ATRNL1: variants seen among roughly 807,000 people sequenced by gnomAD.
The protein encoded by ATRNL1 is attractin-like protein 1.
A neutral mutation model predicts 182.7 loss-of-function variants in ATRNL1; 95 were observed. That is an observed-to-expected ratio of 0.52 (90% CI 0.44 to 0.62). The LOEUF (loss-of-function observed/expected upper bound fraction) is 0.62. ATRNL1 is among the 20% of genes least tolerant of loss of function. The pLI, the probability that ATRNL1 is intolerant of heterozygous loss-of-function variation, is 0.00. For synonymous variants in ATRNL1, 576 were observed against 568.3 expected (o/e 1.01, Z -0.19); for missense variants, 1,471 against 1,679.5 (o/e 0.88, Z 2.17).
intron 21 of ATRNL1, among the ~76,000 whole-genome samples, chr10:115,454,399 A>G (rs1052927935): frequency 1.3e-5 from 2 of 152,038 alleles, no homozygotes; most frequent in Admixed American, 6.6e-5. Context: ...TGGTGGTTCC[A>G]TATGAATTTT....
At chr10:115,359,736 A>G (rs1856650825) in intron 19 of ATRNL1, among the ~76,000 whole-genome samples, 1 of 151,586 alleles carries the variant, frequency 6.6e-6, no homozygotes, top group Non-Finnish European at 1.5e-5. Flanking sequence ...TTCAGTTTCT[A>G]GTTTTTCTAG....
At chr10:115,665,770 A>G (rs1230185207) in intron 26 of ATRNL1, among the ~76,000 whole-genome samples, 2 of 152,148 alleles carry the variant, frequency 1.3e-5, no homozygotes, top group Non-Finnish European at 2.9e-5. Flanking sequence ...ATCTAGAAAG[A>G]TTCGCCTGAA....
intron 21 of ATRNL1, among the ~76,000 whole-genome samples, chr10:115,457,911 C>G (rs1220284573): frequency 6.6e-6 from 1 of 152,080 alleles, no homozygotes; most frequent in Non-Finnish European, 1.5e-5. Flanking sequence ...TTTCCCCAAT[C>G]TAAAACTGAA....
chr10:115,546,009 C>A (rs577923367), intron 25 of ATRNL1, among the ~76,000 whole-genome samples: 7 of 152,238 alleles, frequency 4.6e-5, no homozygotes, highest in African/African-American at 1.7e-4. Context: ...TGACAGTATG[C>A]TTGATCTATC....
intron 9 of ATRNL1, among the ~76,000 whole-genome samples, 177 bp from the exon 10 acceptor site, chr10:115,241,394 A>T (rs1331821596): frequency 6.6e-6 from 1 of 150,602 alleles, no homozygotes; most frequent in Non-Finnish European, 1.5e-5. Context: ...GCCTCAAAAT[A>T]TTTTTTTTTG....
intron 18 of ATRNL1, among the ~76,000 whole-genome samples, chr10:115,318,486 T>A (rs1282946003): frequency 2.0e-5 from 3 of 152,158 alleles, no homozygotes; most frequent in Admixed American, 1.3e-4. Flanking sequence ...TTTGTACCTC[T>A]GGTAGAATTT....
chr10:115,735,287 G>C (rs1393454251), intron 27 of ATRNL1, among the ~76,000 whole-genome samples: 1 of 151,990 alleles, frequency 6.6e-6, no homozygotes, highest in African/African-American at 2.4e-5. Flanking sequence ...TACAATCTAA[G>C]AAATGTATTT....
At chr10:115,095,700 G>T (rs1554862947) in intron 1 of ATRNL1, among the ~76,000 whole-genome samples, 3 of 150,394 alleles carry the variant, frequency 2.0e-5, no homozygotes, top group African/African-American at 7.3e-5. Flanking sequence ...CTTGTTAGTT[G>T]TTTTTTTTTG....
At chr10:115,416,575 G>A (rs1209626272) in intron 20 of ATRNL1, among the ~76,000 whole-genome samples, 3 of 152,142 alleles carry the variant, frequency 2.0e-5, no homozygotes, top group African/African-American at 7.2e-5. Flanking sequence ...TGTTTTTTCT[G>A]TTAATTTTCT....
chr10:115,766,132 A>G (rs1366490111), intron 27 of ATRNL1, among the ~76,000 whole-genome samples: 5 of 152,216 alleles, frequency 3.3e-5, no homozygotes, highest in Non-Finnish European at 1.5e-5. Context: ...AACCCTAGTC[A>G]TAGAATAAAT....
intron 27 of ATRNL1, among the ~76,000 whole-genome samples, chr10:115,813,061 T>A (rs2134261348): frequency 6.6e-6 from 1 of 152,238 alleles, no homozygotes; most frequent in Admixed American, 6.5e-5. Context: ...CAATCCATTC[T>A]TTCACACTGT....
intron 26 of ATRNL1, among the ~76,000 whole-genome samples, chr10:115,602,730 G>A (rs1856668619): frequency 6.6e-6 from 1 of 152,092 alleles, no homozygotes; most frequent in African/African-American, 2.4e-5. Flanking sequence ...GGGCGTGGTG[G>A]CAGGCACCTG....
intron 27 of ATRNL1, among the ~76,000 whole-genome samples, chr10:115,783,876 G>T (rs1053066834): frequency 6.6e-6 from 1 of 152,250 alleles, no homozygotes; most frequent in Middle Eastern, 3.4e-3. Context: ...AGCCAGGCGT[G>T]GTGGCGGGCG....
chr10:115,755,026 T>C (rs746563365), intron 27 of ATRNL1, among the ~76,000 whole-genome samples: 1 of 152,218 alleles, frequency 6.6e-6, no homozygotes, highest in Non-Finnish European at 1.5e-5. Flanking sequence ...TTTTGTATCC[T>C]GAGACTTTGC....
intron 20 of ATRNL1, among the ~76,000 whole-genome samples, chr10:115,415,206 T>C (rs1287504092): frequency 6.6e-6 from 1 of 152,052 alleles, no homozygotes; most frequent in African/African-American, 2.4e-5. Flanking sequence ...GCAGGATATA[T>C]TGCTATGCAT....
At chr10:115,854,630 G>A (rs577413217) in intron 28 of ATRNL1, among the ~76,000 whole-genome samples, 3 of 152,138 alleles carry the variant, frequency 2.0e-5, no homozygotes, top group South Asian at 2.1e-4. Flanking sequence ...AAAGTGAGCC[G>A]TCCTTCCCCC....
intron 27 of ATRNL1, among the ~76,000 whole-genome samples, chr10:115,731,179 T>G (rs1947787247): frequency 6.6e-6 from 1 of 152,118 alleles, no homozygotes; most frequent in Admixed American, 6.6e-5. Flanking sequence ...AAGTTGACAC[T>G]CAGTATTAAC....
chr10:115,211,712 T>C (rs1328530356), intron 8 of ATRNL1, among the ~76,000 whole-genome samples: 5 of 151,858 alleles, frequency 3.3e-5, no homozygotes, highest in Non-Finnish European at 7.4e-5. Flanking sequence ...GCTGTACCCA[T>C]TAACTCGTCA....
At chr10:115,703,690 A>T (rs1015507600) in intron 26 of ATRNL1, among the ~76,000 whole-genome samples, 1 of 151,766 alleles carries the variant, frequency 6.6e-6, no homozygotes, top group Admixed American at 6.6e-5. Context: ...ATAATATATA[A>T]ACATATAATC....
Sources: allele counts gnomAD v4.1 joint callset (sites outside exome capture counted in the v4.1 genomes callset), GRCh38; gene constraint gnomAD v4.1.1; transcripts MANE v1.5; gene names NCBI Gene and HGNC (gene_info 2026-07-23, HGNC 2026-07-21).